The following TAF2 variants were observed in gnomAD, a reference collection of about 807,000 sequenced individuals.
The protein encoded by TAF2 is transcription initiation factor TFIID subunit 2.
TAF2 carries 61 observed loss-of-function variants against 138.5 expected under a neutral mutation model. That is an observed-to-expected ratio of 0.44 (90% CI 0.36 to 0.54). The LOEUF is 0.54. Among genes scored for constraint, TAF2 ranks in the 20% least tolerant of loss-of-function variants. TAF2 has a pLI of 0.00. For missense variants in TAF2, 1,090 were observed against 1,427.9 expected (o/e 0.76, Z 3.81); for synonymous variants, 475 against 469.9 (o/e 1.01, Z -0.14).
chr8:119,752,160 G>A (rs1488638238), intron 22 of TAF2, among the ~76,000 whole-genome samples: 1 of 152,120 alleles, frequency 6.6e-6, no homozygotes, highest in Non-Finnish European at 1.5e-5. Flanking sequence ...ATATGATTAT[G>A]CATTGTATTA....
chr8:119,732,597 A>C (rs1818953333), intron 25 of TAF2, among the ~76,000 whole-genome samples: 1 of 152,160 alleles, frequency 6.6e-6, no homozygotes, highest in Non-Finnish European at 1.5e-5. Context: ...TGAGGTCAGG[A>C]GTTCGAAACC....
intron 11 of TAF2, among the ~76,000 whole-genome samples, chr8:119,790,337 G>A (rs1823330425): frequency 6.6e-6 from 1 of 152,094 alleles, no homozygotes; most frequent in Non-Finnish European, 1.5e-5. Context: ...TCAGGAGGCT[G>A]AGATAGATGA....
chr8:119,783,259 G>T, intron 16 of TAF2, 122 bp downstream of exon 16: 2 of 1,224,378 alleles, frequency 1.6e-6, no homozygotes, highest in Non-Finnish European at 2.2e-6. Flanking sequence ...AAGCACTTTG[G>T]CAAAAGCTTT....
chr8:119,808,536 C>T (rs1824825771), intron 3 of TAF2, among the ~76,000 whole-genome samples: 1 of 152,190 alleles, frequency 6.6e-6, no homozygotes, highest in Admixed American at 6.5e-5. Flanking sequence ...TAATGGCATC[C>T]AGAATGGTGA....
chr8:119,830,244 T>C (rs1024775366), intron 2 of TAF2, among the ~76,000 whole-genome samples: 2 of 152,146 alleles, frequency 1.3e-5, no homozygotes, highest in African/African-American at 4.8e-5. Flanking sequence ...TTAATTCTAA[T>C]ATTAGGATTA....
At chr8:119,732,210 T>C (rs1293906460) in intron 25 of TAF2, 24 bp from the exon 26 acceptor site, 3 of 1,607,214 alleles carry the variant, frequency 1.9e-6, no homozygotes, top group African/African-American at 1.3e-5. Context: ...AATACCCAAA[T>C]GAATTCCTGC....
At position 119,732,053 on chromosome 8, in the gene TAF2, C is replaced by T. The variant is rs61753747; in HGVS notation, c.3471G>A (p.Lys1157=). ...HHHHHHEHKK[K]KKKHKHKHKH... ...TGTGCTTATGTTTATGCTTCTTCTT[C>T]TTTTTCTTGTGCTCATGGTGATGGT... is the stretch of plus-strand genomic sequence containing the variant. Residue 1157 remains lysine (K), a synonymous_variant, in exon 26 of 26, where the codon AAG becomes AAA. Transcript: ENST00000378164. 0.019 allele frequency: 30,982 copies of T among 1,614,052 alleles called. 387 individuals are homozygous for T. The highest frequency in any genetic ancestry group is 0.029 in the Middle Eastern group (175 of 6,058).
intron 25 of TAF2, among the ~76,000 whole-genome samples, chr8:119,736,565 A>G (rs1819236598): frequency 6.6e-6 from 1 of 152,246 alleles, no homozygotes; most frequent in Admixed American, 6.5e-5. Context: ...TATTAAATAC[A>G]TAGAAAAATT....
At chr8:119,819,277 C>G (rs1006994270) in intron 3 of TAF2, 69 bp downstream of exon 3, 2 of 1,512,526 alleles carry the variant, frequency 1.3e-6, no homozygotes, top group Non-Finnish European at 1.8e-6. Context: ...TTGAGAAAAA[C>G]TAATCCAATC....
chr8:119,762,121 C>G (rs967741624), intron 19 of TAF2, among the ~76,000 whole-genome samples: 3 of 151,858 alleles, frequency 2.0e-5, no homozygotes, highest in Admixed American at 2.0e-4. Context: ...ATGCAGACAT[C>G]AAAGCAATGC....
At chr8:119,734,765 G>C (rs1472211967) in intron 25 of TAF2, among the ~76,000 whole-genome samples, 1 of 152,142 alleles carries the variant, frequency 6.6e-6, no homozygotes, top group Non-Finnish European at 1.5e-5. Flanking sequence ...AAGTGAACCT[G>C]AGTAATAAAA....
At chr8:119,784,960 C>T (rs541902369) in intron 15 of TAF2, among the ~76,000 whole-genome samples, 1 of 152,260 alleles carries the variant, frequency 6.6e-6, no homozygotes, top group African/African-American at 2.4e-5. Flanking sequence ...CAAAGTTGTG[C>T]TCACCCCTCA....
chr8:119,791,266 G>A, intron 11 of TAF2, 58 bp downstream of exon 11: 1 of 1,591,642 alleles, frequency 6.3e-7, no homozygotes, highest in Non-Finnish European at 8.6e-7. Flanking sequence ...AACATACTCA[G>A]ATTATACACA....
intron 24 of TAF2, among the ~76,000 whole-genome samples, chr8:119,742,959 C>T (rs1341912117): frequency 6.6e-6 from 1 of 151,842 alleles, no homozygotes; most frequent in Non-Finnish European, 1.5e-5. Context: ...GTCCCAGCTA[C>T]TTGGGAGGCT....
intron 1 of TAF2, among the ~76,000 whole-genome samples, chr8:119,832,188 T>C (rs532553609): frequency 6.6e-6 from 1 of 151,070 alleles, no homozygotes; most frequent in South Asian, 2.1e-4. Flanking sequence ...AAAAAAACAC[T>C]CTACCAATTG....
intron 18 of TAF2, among the ~76,000 whole-genome samples, chr8:119,774,576 A>T (rs1207659003): frequency 6.6e-6 from 1 of 151,524 alleles, no homozygotes; most frequent in African/African-American, 2.4e-5. Flanking sequence ...TCCAATGTGG[A>T]CCAGGGAAGC....
intron 18 of TAF2, among the ~76,000 whole-genome samples, chr8:119,770,644 T>C (rs568302200): frequency 6.6e-6 from 1 of 152,170 alleles, no homozygotes; most frequent in South Asian, 2.1e-4. Context: ...TAAAAGCACA[T>C]GCAAGCAGAA....
At chr8:119,819,270 A>T (rs1825677349) in intron 3 of TAF2, 76 bp downstream of exon 3, 6 of 1,483,804 alleles carry the variant, frequency 4.0e-6, no homozygotes, top group South Asian at 3.5e-5. Context: ...AAATACTTTG[A>T]GAAAAACTAA....
At chr8:119,820,913 C>T (rs1238259281) in intron 2 of TAF2, among the ~76,000 whole-genome samples, 2 of 152,092 alleles carry the variant, frequency 1.3e-5, no homozygotes, top group African/African-American at 2.4e-5. Flanking sequence ...GAAGGAAGAC[C>T]AGAATTCCTT....
Sources: allele counts gnomAD v4.1 joint callset (sites outside exome capture counted in the v4.1 genomes callset), GRCh38; gene constraint gnomAD v4.1.1; transcripts MANE v1.5; gene names NCBI Gene and HGNC (gene_info 2026-07-23, HGNC 2026-07-21).